PRC1: variants seen among roughly 807,000 people sequenced by gnomAD.
PRC1 encodes the protein protein regulator of cytokinesis 1.
A neutral mutation model predicts 91.2 loss-of-function variants in PRC1; 54 were observed. The observed-to-expected ratio is 0.59, with a 90% CI of 0.48 to 0.74. The LOEUF is 0.74. PRC1 is among the 30% of genes least tolerant of loss of function. The probability of loss-of-function intolerance (pLI) is 0.00; values close to 1 mark genes in which losing one functional copy is unlikely to be tolerated. For synonymous variants in PRC1, 275 were observed against 263.6 expected, an observed-to-expected ratio of 1.04 and a Z score of -0.42; for missense variants, 727 against 746.2, an observed-to-expected ratio of 0.97 and a Z score of 0.30.
At chr15:90,977,924 G>C (rs10520700) in intron 8 of PRC1, among the ~76,000 whole-genome samples, 6 of 152,112 alleles carry the variant, frequency 3.9e-5, no homozygotes, top group African/African-American at 1.4e-4. Flanking sequence ...GTTGTAACCA[G>C]AAGTAAAGAA....
At chr15:90,982,933 A>G (rs1175717828) in intron 3 of PRC1, among the ~76,000 whole-genome samples, 1 of 152,082 alleles carries the variant, frequency 6.6e-6, no homozygotes, top group Non-Finnish European at 1.5e-5. Context: ...AGAAAAAAAA[A>G]AGTGGCATTT....
chr15:90,977,693 C>T (rs1412264626), intron 8 of PRC1, among the ~76,000 whole-genome samples: 1 of 149,870 alleles, frequency 6.7e-6, no homozygotes, highest in Non-Finnish European at 1.5e-5. Context: ...ACGCCATTCT[C>T]CTGCCTCAGC....
intron 14 of PRC1, chr15:90,967,922 A>G (rs928899816): frequency 2.0e-6 from 2 of 985,486 alleles, no homozygotes; most frequent in Non-Finnish European, 1.2e-6. Context: ...ACAATGGGCC[A>G]GAACATATAT....
At chr15:90,969,714 AT>A in intron 12 of PRC1, 91 bp from the exon 13 acceptor site, 1 of 907,592 alleles carries the variant, frequency 1.1e-6, no homozygotes, top group Non-Finnish European at 1.5e-6. Context: ...GGCTGAGACT[AT>A]CTTTATATTC....
intron 14 of PRC1, chr15:90,968,144 G>A: frequency 1.0e-6 from 1 of 985,460 alleles, no homozygotes; most frequent in African/African-American, 1.7e-5. Flanking sequence ...TAGCCACACA[G>A]ATAGGCAGGT....
chr15:90,974,018 G>C lies in PRC1; in HGVS notation c.1461+118C>G. 1.3e-6 allele frequency: 1 copy of C among 798,896 alleles called. No homozygotes were observed. The highest frequency in any genetic ancestry group is 2.1e-6 in the Non-Finnish European group (1 of 475,524). 49.5% of individuals were successfully genotyped at this position (798,896 alleles called of 1,614,324 possible). A position where few individuals can be genotyped will look rare whatever the true frequency, so the allele number is the denominator to read the frequency against. On this transcript the variant is annotated intron_variant, in intron 11 of 14. Coordinates refer to ENST00000394249, the MANE Select transcript of PRC1 (RefSeq NM_003981.4). The surrounding 1 kb of genome is among the most constrained non-coding windows in gnomAD (Gnocchi z 4.6). ...GTCTTATTTCTTTTCTCTGTCTCTTGTCCCACCTGATGAGAAATACCCACA... is the reference window on the plus strand; with the variant it reads ...GTCTTATTTCTTTTCTCTGTCTCTTCTCCCACCTGATGAGAAATACCCACA...
chr15:90,988,338 T>G (rs923345184), intron 1 of PRC1: 1 of 152,186 alleles, frequency 6.6e-6, no homozygotes, highest in African/African-American at 2.4e-5. Context: ...ATTACTTAAG[T>G]ATCCCAGTCT....
In PRC1 at chr15:90,974,254, A is replaced by C. The variant is rs553442623; in HGVS notation, c.1351-8T>G. On this transcript the variant is annotated splice_region_variant and splice_polypyrimidine_tract_variant and intron_variant, in intron 10 of 14. Coordinates refer to ENST00000394249, the MANE Select transcript of PRC1 (RefSeq NM_003981.4). The surrounding 1 kb of genome is among the most constrained non-coding windows in gnomAD (Gnocchi z 4.6). The stretch of plus-strand genomic sequence containing the variant: ...TTTTTTGTTCTTCAGTTGCTGTGTG[A>C]AAGTCAGAAGCAACAGTGATAAATC... The C allele has an allele frequency of 1.9e-6, 3 of 1,605,818 alleles. No individual in the cohort carries two copies. The highest frequency in any genetic ancestry group is 2.7e-5 in the African/African-American group (2 of 74,836).
chr15:90,992,004 C>T (rs564880064), intron 1 of PRC1, among the ~76,000 whole-genome samples: 3 of 152,332 alleles, frequency 2.0e-5, no homozygotes, highest in East Asian at 1.9e-4. Flanking sequence ...CCTGTCACAG[C>T]GACCTCCTTG....
At chr15:90,982,443 C>T (rs1269758287) in intron 3 of PRC1, among the ~76,000 whole-genome samples, 1 of 152,140 alleles carries the variant, frequency 6.6e-6, no homozygotes, top group Non-Finnish European at 1.5e-5. Context: ...GCACCAGGCA[C>T]TTTTATAGAA....
rs144195222 is a variant in PRC1 at position 90,980,276 on chromosome 15, C to T, written c.936G>A (p.Gln312=). 20 of 1,613,284 alleles carry T rather than the reference C, an allele frequency of 1.2e-5. No homozygotes were observed. The highest frequency in any genetic ancestry group is 1.7e-5 in the Non-Finnish European group (20 of 1,179,818). ...AAGGGGCAAAAGCTTGTCTCTGCTC[C>T]TGGCTATAAAAGCACTGGTCCCAGT... ...VQYWDQCFYS[Q]EQRQAFAPFC... is the part of the protein sequence containing the mutation. Residue 312 remains glutamine, a synonymous_variant, in exon 7 of 15, where the codon CAG becomes CAA. Coordinates refer to ENST00000394249, the MANE Select transcript of PRC1 (RefSeq NM_003981.4).
In PRC1 at chr15:90,989,676, G is replaced by GA. The variant is rs559111488; in HGVS notation, c.11+4730dup. On this transcript the variant is annotated intron_variant, in intron 1 of 14. Transcript: ENST00000394249. ...GCATTACTTATAATAGCCAAAAAGTGAAAAAAAAAATACAAATGGCCATCA... is the reference window on the plus strand; with the variant it reads ...GCATTACTTATAATAGCCAAAAAGTGAAAAAAAAAAATACAAATGGCCATCA... Among the ~76,000 whole-genome samples the GA allele has an allele frequency of 1.7e-3, 245 of 144,482 alleles. 1 individual carries two copies. The highest frequency in any genetic ancestry group is 8.2e-3 in the South Asian group (38 of 4,614). 94.8% of individuals were successfully genotyped at this position (144,482 alleles called of 152,430 possible). A position where few individuals can be genotyped will look rare whatever the true frequency, so the allele number is the denominator to read the frequency against.
Position 90,981,761 on chromosome 15 carries a change from A to C in PRC1, c.488T>G (p.Leu163Trp). Residue 163 changes from leucine to tryptophan, a missense_variant, in exon 4 of 15, where the codon TTG becomes TGG. Physicochemically the swap from Leu to Trp is moderately conservative, Grantham distance 61. Coordinates refer to ENST00000394249, the MANE Select transcript of PRC1 (RefSeq NM_003981.4). Reference sequence around the variant, plus strand: ...TAGGCAGTGTACCTTTGTTTCCCTCAAAGTTGTCACATGTTGCCTGAACTG... The same window carrying C: ...TAGGCAGTGTACCTTTGTTTCCCTCCAAGTTGTCACATGTTGCCTGAACTG... ...LNQFRQHVTT[L>W]RETKASRREE... 6.2e-7 allele frequency: 1 copy of C among 1,610,892 alleles called. No homozygotes were observed. The highest frequency in any genetic ancestry group is 8.5e-7 in the Non-Finnish European group (1 of 1,177,662).
At chr15:90,990,692 T>C (rs1188563072) in intron 1 of PRC1, among the ~76,000 whole-genome samples, 1 of 152,176 alleles carries the variant, frequency 6.6e-6, no homozygotes, top group Non-Finnish European at 1.5e-5. Flanking sequence ...TAATATACAA[T>C]TTAAGTACAT....
At chr15:90,991,660 T>G (rs1305825155) in intron 1 of PRC1, among the ~76,000 whole-genome samples, 1 of 152,034 alleles carries the variant, frequency 6.6e-6, no homozygotes, top group Non-Finnish European at 1.5e-5. Context: ...GACACTTCTT[T>G]CTTATATGCC....
chr15:90,981,319 A>G, intron 5 of PRC1, 180 bp downstream of exon 5: 1 of 734,812 alleles, frequency 1.4e-6, no homozygotes, highest in East Asian at 2.7e-5. Context: ...GGAGCCATAT[A>G]AAGGTTTTTT....
At chr15:90,983,983 A>C (rs775995866) in intron 3 of PRC1, 35 bp downstream of exon 3, 1 of 1,610,570 alleles carries the variant, frequency 6.2e-7, no homozygotes, top group Admixed American at 1.7e-5. Context: ...CAGGCCCCAG[A>C]CAGATCACCA....
Position 90,966,623 on chromosome 15 carries a change from C to G in PRC1, c.*508G>C, listed in dbSNP as rs1172479612. The G allele has an allele frequency of 2.2e-6, 1 of 456,076 alleles. No homozygotes were observed. The highest frequency in any genetic ancestry group is 6.9e-5 in the East Asian group (1 of 14,400). 28.3% of individuals were successfully genotyped at this position (456,076 alleles called of 1,614,324 possible). ...GCAGGCCATCTCAACTTCGGACACA[C>G]AAAGACATTCTCTTCAGGAGGAAGG... On this transcript the variant is annotated 3_prime_UTR_variant, in exon 15 of 15. Coordinates refer to ENST00000394249, the MANE Select transcript of PRC1 (RefSeq NM_003981.4).
chr15:90,968,848 CTG>C (rs770267718), intron 14 of PRC1: 334 of 1,344,726 alleles, frequency 2.5e-4, no homozygotes, highest in Non-Finnish European at 3.0e-4. Context: ...TGATTTAAAA[CTG>C]TGCCTGACTT....
Sources: allele counts gnomAD v4.1 joint callset (sites outside exome capture counted in the v4.1 genomes callset), GRCh38; gene constraint gnomAD v4.1.1; non-coding constraint Gnocchi (gnomAD v3.1); transcripts MANE v1.5; gene names NCBI Gene and HGNC (gene_info 2026-07-23, HGNC 2026-07-21).